The following RAG1 variants were observed in gnomAD, a reference collection of about 807,000 sequenced individuals.
RAG1 encodes the protein recombination activating 1.
RAG1 carries 35 observed loss-of-function variants against 62.7 expected under a neutral mutation model. The ratio of observed to expected loss-of-function variants is 0.56; its 90% CI spans 0.43 to 0.74. The LOEUF is 0.74. Ranked by LOEUF, RAG1 falls within the 30% of genes least tolerant of loss-of-function variation. The pLI, the probability that RAG1 is intolerant of heterozygous loss-of-function variation, is 0.00. For missense variants in RAG1, 1,169 were observed against 1,278.6 expected, an observed-to-expected ratio of 0.91 and a Z score of 1.31; for synonymous variants, 461 against 470.3, an observed-to-expected ratio of 0.98 and a Z score of 0.26.
Position 36,575,502 on chromosome 11 carries a change from G to A in RAG1, c.2198G>A (p.Cys733Tyr), listed in dbSNP as rs1564989663. The A allele has an allele frequency of 1.2e-6, 2 of 1,614,212 alleles. No homozygotes were observed. Residue 733 changes from cysteine to tyrosine, a missense_variant, in exon 2 of 2, where the codon TGT (cysteine) becomes TAT (tyrosine). By Grantham distance (194) the Cys-to-Tyr change is radical. Coordinates refer to ENST00000299440, the MANE Select transcript of RAG1 (RefSeq NM_000448.3). This position sits in a 1 kb window ranked among gnomAD's most constrained non-coding sequence, Gnocchi z 4.1. ...GGCTCAGTCTACATTTGTACTCTTT[G>A]TGATGCCACCCGTCTGGAAGCCTCT... ...ASGSVYICTL[C>Y]DATRLEASQN...
rs377660600 is a variant in RAG1, at chr11:36,576,421, T to G, written c.3117T>G (p.Asp1039Glu). 9.9e-6 allele frequency: 16 copies of G among 1,613,978 alleles called. No individual in the cohort carries two copies. The highest frequency in any genetic ancestry group is 1.3e-5 in the Non-Finnish European group (15 of 1,180,020). The stretch of plus-strand genomic sequence containing the variant: ...TAGAGGACTCTCTGGAAAGCCAAGA[T>G]TCAATGGAATTTTAAGTAGGGCAAC... Reference protein sequence around the residue: ...LGIEDSLESQDSMEF With the variant: ...LGIEDSLESQESMEF The change falls in exon 2 of 2, where the codon GAT becomes GAG. Residue 1039 changes from aspartate to glutamate, a missense_variant. By Grantham distance (45) the Asp-to-Glu change is conservative. Transcript: ENST00000299440.
rs1064793248 is a variant in RAG1 at position 36,575,451 on chromosome 11, G to C, written c.2147G>C (p.Arg716Pro). Residue 716 changes from arginine (R) to proline (P), a missense_variant, in exon 2 of 2, where the codon CGG becomes CCG. Arg to Pro is a moderately radical substitution (Grantham distance 103). Transcript: ENST00000299440. This position sits in a 1 kb window ranked among gnomAD's most constrained non-coding sequence, Gnocchi z 4.1. ...ACCGGCTATGATGAAAAACTTGTGC[G>C]GGAAGTGGAAGGCCTCGAGGCTTCT... The part of the protein sequence containing the change: ...RGTGYDEKLV[R>P]EVEGLEASGS... The C allele has an allele frequency of 6.2e-7, 1 of 1,614,038 alleles. No individual in the cohort carries two copies. The highest frequency in any genetic ancestry group is 8.5e-7 in the Non-Finnish European group (1 of 1,180,032).
intron 1 of RAG1, among the ~76,000 whole-genome samples, chr11:36,570,868 TA>T (rs1410890569): frequency 6.6e-6 from 1 of 152,234 alleles, no homozygotes; most frequent in Non-Finnish European, 1.5e-5. Flanking sequence ...AAAATCGGAT[TA>T]TTAGATTGTT....
intron 3 of RAG1, among the ~76,000 whole-genome samples, chr11:36,549,621 G>C (rs1032998972): frequency 6.6e-6 from 1 of 152,204 alleles, no homozygotes; most frequent in African/African-American, 2.4e-5. Flanking sequence ...AACAACAGAT[G>C]CTGGAGAGGA....
chr11:36,573,347 C>T lies in RAG1; in HGVS notation c.43C>T (p.Pro15Ser), dbSNP rs763134083. 1 of 1,613,996 alleles carries T rather than the reference C, an allele frequency of 6.2e-7. No homozygotes were observed. Among genetic ancestry groups the T allele is most frequent in the Non-Finnish European group, 8.5e-7 (1 of 1,180,028 alleles). Residue 15 changes from proline (P) to serine (S), a missense_variant, in exon 2 of 2, where the codon CCA becomes TCA. Coordinates refer to ENST00000299440, the MANE Select transcript of RAG1 (RefSeq NM_000448.3). Reference sequence around the variant, plus strand: ...ACCCACCTTGGGACTCAGTTCTGCCCCAGATGAAATTCAGCACCCACATAT... The same window carrying T: ...ACCCACCTTGGGACTCAGTTCTGCCTCAGATGAAATTCAGCACCCACATAT... The part of the protein sequence containing the change: ...FPPTLGLSSA[P>S]DEIQHPHIKF...
At chr11:36,533,362 G>C (rs1860282744) in intron 2 of RAG1, among the ~76,000 whole-genome samples, 1 of 152,172 alleles carries the variant, frequency 6.6e-6, no homozygotes, top group African/African-American at 2.4e-5. Context: ...TTGCCCATCT[G>C]TAAGTAATAA....
At chr11:36,536,637 A>AATTAC (rs10648882), downstream of RAG1, among the ~76,000 whole-genome samples, 2 of 149,238 alleles carry the variant, frequency 1.3e-5, no homozygotes, top group African/African-American at 5.1e-5. Flanking sequence ...AAGACAAATA[A>AATTAC]GAAGAAAAAT....
Position 36,573,715 on chromosome 11 carries a change from C to T in RAG1, c.411C>T (p.Thr137=). ...TCCATGGTCCTGTGGATGGTAAAAC[C>T]CTAGGCCTTTTACGAAAGAAGGAAA... ...YPVHGPVDGK[T]LGLLRKKEKR... Residue 137 remains threonine (T), a synonymous_variant, in exon 2 of 2, where the codon ACC becomes ACT. Transcript: ENST00000299440. 2 of 1,613,976 alleles carry T rather than the reference C, an allele frequency of 1.2e-6. No homozygotes were observed. Among genetic ancestry groups the T allele is most frequent in the Non-Finnish European group, 1.7e-6 (2 of 1,180,018 alleles).
chr11:36,522,080 C>A (rs1182278663), intron 2 of RAG1, among the ~76,000 whole-genome samples: 1 of 152,058 alleles, frequency 6.6e-6, no homozygotes, highest in Non-Finnish European at 1.5e-5. Flanking sequence ...AAAAAAATCC[C>A]ATTTTCTGAG....
At position 36,573,892 on chromosome 11, in the gene RAG1, C is replaced by T. The variant is rs1223299119; in HGVS notation, c.588C>T (p.Phe196=). 6.2e-7 allele frequency: 1 copy of T among 1,613,986 alleles called. No homozygotes were observed. Among genetic ancestry groups the T allele is most frequent in the Non-Finnish European group, 8.5e-7 (1 of 1,180,036 alleles). ...KFSSAPCEVY[F]PRNVTMEWHP... is the part of the protein sequence containing the mutation. ...GCAGTGCCCCATGTGAGGTTTACTT[C>T]CCGAGGAACGTGACCATGGAGTGGC... is the stretch of plus-strand genomic sequence containing the variant. Residue 196 remains phenylalanine, a synonymous_variant, in exon 2 of 2, where the codon TTC becomes TTT. Coordinates refer to ENST00000299440, the MANE Select transcript of RAG1 (RefSeq NM_000448.3).
At chr11:36,539,068 G>C (rs1860374967), downstream of RAG1, among the ~76,000 whole-genome samples, 1 of 152,052 alleles carries the variant, frequency 6.6e-6, no homozygotes, top group Non-Finnish European at 1.5e-5. Context: ...TCACATTTGT[G>C]TACCCCTCAC....
intron 3 of RAG1, among the ~76,000 whole-genome samples, chr11:36,542,960 A>T (rs371486075): frequency 1.3e-4 from 20 of 152,306 alleles, no homozygotes; most frequent in African/African-American, 4.3e-4. Flanking sequence ...GCCAGCTGAA[A>T]CTCCATTAGG....
At chr11:36,511,306 T>G (rs1172621096) in intron 1 of RAG1, among the ~76,000 whole-genome samples, 1 of 152,148 alleles carries the variant, frequency 6.6e-6, no homozygotes, top group Non-Finnish European at 1.5e-5. Flanking sequence ...ATTTAAAAAT[T>G]ACCTGGGTGT....
chr11:36,515,554 C>G (rs1161313790), intron 1 of RAG1: 1 of 152,416 alleles, frequency 6.6e-6, no homozygotes, highest in Admixed American at 6.5e-5. Flanking sequence ...AGTTTCTCAG[C>G]AGCCCCCACC....
intron 2 of RAG1, among the ~76,000 whole-genome samples, chr11:36,529,328 G>C (rs549696009): frequency 6.6e-6 from 1 of 152,236 alleles, no homozygotes; most frequent in South Asian, 2.1e-4. Flanking sequence ...GGGATGCAAG[G>C]ATGGTTCAAC....
intron 2 of RAG1, among the ~76,000 whole-genome samples, chr11:36,527,080 T>C (rs915075544): frequency 1.3e-5 from 2 of 152,216 alleles, no homozygotes; most frequent in African/African-American, 4.8e-5. Flanking sequence ...AGAATCTCTT[T>C]AGTTTAATTA....
intron 3 of RAG1, among the ~76,000 whole-genome samples, chr11:36,545,715 T>G (rs1850383063): frequency 6.6e-6 from 1 of 152,192 alleles, no homozygotes; most frequent in Non-Finnish European, 1.5e-5. Flanking sequence ...TTTCAACAGA[T>G]TATAACAAAC....
At position 36,574,032 on chromosome 11, in the gene RAG1, C is replaced by G. The variant is rs1854747772; in HGVS notation, c.728C>G (p.Ala243Gly). ...AAACTCAAAACTGTGCTTGACCAAG[C>G]AAGACAAGCCCGTCAGCACAAGAGA... ...SKKLKTVLDQ[A>G]RQARQHKRRA... is the part of the protein sequence containing the mutation. Residue 243 changes from alanine (A) to glycine (G), a missense_variant, in exon 2 of 2, where the codon GCA becomes GGA. Ala to Gly is a moderately conservative substitution (Grantham distance 60). Transcript: ENST00000299440. 2.5e-6 allele frequency: 4 copies of G among 1,614,010 alleles called. No homozygotes were observed. In the South Asian group the frequency reaches 3.3e-5, roughly 13 times the overall value.
intron 3 of RAG1, among the ~76,000 whole-genome samples, chr11:36,557,616 C>T (rs887602244): frequency 2.6e-5 from 4 of 152,104 alleles, no homozygotes; most frequent in East Asian, 1.9e-4. Context: ...TGTTCCTATT[C>T]GGCCATCTTG....
Sources: allele counts gnomAD v4.1 joint callset (sites outside exome capture counted in the v4.1 genomes callset), GRCh38; gene constraint gnomAD v4.1.1; non-coding constraint Gnocchi (gnomAD v3.1); transcripts MANE v1.5; gene names NCBI Gene and HGNC (gene_info 2026-07-23, HGNC 2026-07-21).